The following ZFPM2 variants were observed in gnomAD, a reference collection of about 807,000 sequenced individuals.
ZFPM2 encodes the protein zinc finger protein ZFPM2.
Under a neutral mutation model 98.6 loss-of-function variants are expected in ZFPM2, and 20 were observed. That is an observed-to-expected ratio of 0.20 (90% CI 0.14 to 0.29). ZFPM2 has a LOEUF of 0.29. Ranked by LOEUF, ZFPM2 falls within the 10% of genes least tolerant of loss-of-function variation. The probability of loss-of-function intolerance (pLI) is 1.00; values close to 1 mark genes in which losing one functional copy is unlikely to be tolerated. For synonymous variants in ZFPM2, 518 were observed against 502.7 expected, an observed-to-expected ratio of 1.03 and a Z score of -0.41; for missense variants, 1,310 against 1,388.6, an observed-to-expected ratio of 0.94 and a Z score of 0.90.
intron 5 of ZFPM2, among the ~76,000 whole-genome samples, chr8:105,659,865 C>T (rs565221781): frequency 5.3e-5 from 8 of 152,166 alleles, no homozygotes; most frequent in African/African-American, 1.4e-4. Flanking sequence ...AAAGAGATTA[C>T]GGATAAATAA....
chr8:105,612,369 G>A (rs1024369730), intron 4 of ZFPM2, among the ~76,000 whole-genome samples: 9 of 149,914 alleles, frequency 6.0e-5, no homozygotes, highest in African/African-American at 1.9e-4. Flanking sequence ...AAATGAAAAC[G>A]TCCAATTGAA....
At chr8:105,381,897 G>C (rs13282243) in intron 1 of ZFPM2, among the ~76,000 whole-genome samples, 84,420 of 151,784 alleles carry the variant, frequency 0.56, 23,714 homozygotes, top group Middle Eastern at 0.6. Context: ...CATGATATAG[G>C]CTATAAGTTG....
chr8:105,572,050 T>G (rs1393887115), intron 4 of ZFPM2, among the ~76,000 whole-genome samples: 3 of 142,876 alleles, frequency 2.1e-5, no homozygotes, highest in African/African-American at 7.9e-5. Flanking sequence ...TTTTTTTTTT[T>G]TTTTTGAGAC....
chr8:105,590,471 A>G (rs1815817472), intron 4 of ZFPM2, among the ~76,000 whole-genome samples: 1 of 152,194 alleles, frequency 6.6e-6, no homozygotes, highest in African/African-American at 2.4e-5. Context: ...ACACATATTA[A>G]AAATGCTGTG....
intron 5 of ZFPM2, among the ~76,000 whole-genome samples, chr8:105,686,790 C>CT (rs1810747316): frequency 6.6e-6 from 1 of 152,136 alleles, no homozygotes; most frequent in South Asian, 2.1e-4. Flanking sequence ...CAAGGCTTAG[C>CT]TTTAAAGTGT....
rs1202095287 is a variant in ZFPM2, at chr8:105,377,610, A to C, written c.41-41534A>C. 1.3e-4 allele frequency among the ~76,000 whole-genome samples: 18 copies of C among 142,358 alleles called. 2 individuals carry two copies. Among genetic ancestry groups the C allele is most frequent in the South Asian group, 4.5e-4 (2 of 4,456 alleles). The allele number at this position is 142,358 out of a possible 152,430, so 93.4% of individuals were successfully genotyped here. On this transcript the variant is annotated intron_variant, in intron 1 of 7. Coordinates refer to ENST00000407775, the MANE Select transcript of ZFPM2 (RefSeq NM_012082.4). ...AACCCCGTTTTTCTTAAAAATCCAA[A>C]AAAAAAAAAAAAAAAAAAAAAAAGC...
intron 5 of ZFPM2, among the ~76,000 whole-genome samples, chr8:105,644,019 C>G (rs142471157): frequency 1.3e-5 from 2 of 152,174 alleles, no homozygotes; most frequent in Non-Finnish European, 2.9e-5. Context: ...GGAACAGAGA[C>G]AATCTAGTTT....
At chr8:105,536,851 G>A (rs115717951) in intron 3 of ZFPM2, among the ~76,000 whole-genome samples, 169 of 152,262 alleles carry the variant, frequency 1.1e-3, no homozygotes, top group African/African-American at 3.9e-3. Flanking sequence ...TTTCACAGTG[G>A]TCAAATCAAA....
intron 1 of ZFPM2, among the ~76,000 whole-genome samples, chr8:105,359,351 C>A (rs549098872): frequency 6.9e-6 from 1 of 145,348 alleles, no homozygotes; most frequent in African/African-American, 2.5e-5. Flanking sequence ...TCTTTCTTTT[C>A]TTTTTCTTTT....
intron 5 of ZFPM2, among the ~76,000 whole-genome samples, chr8:105,704,883 A>G (rs1374149911): frequency 1.3e-5 from 2 of 152,158 alleles, no homozygotes; most frequent in Non-Finnish European, 2.9e-5. Context: ...AATACCAGAG[A>G]GGCTCAAGTT....
At chr8:105,376,133 A>C (rs1234087404) in intron 1 of ZFPM2, among the ~76,000 whole-genome samples, 1 of 152,122 alleles carries the variant, frequency 6.6e-6, no homozygotes, top group Non-Finnish European at 1.5e-5. Context: ...AGTGGCCTCC[A>C]TTTAGACAAA....
At chr8:105,346,890 G>T (rs976143926) in intron 1 of ZFPM2, among the ~76,000 whole-genome samples, 1 of 152,096 alleles carries the variant, frequency 6.6e-6, no homozygotes, top group African/African-American at 2.4e-5. Context: ...AATAGCTCTG[G>T]CACATTAGCA....
chr8:105,673,187 CTTT>C (rs5893754), intron 5 of ZFPM2, among the ~76,000 whole-genome samples: 3 of 87,526 alleles, frequency 3.4e-5, no homozygotes, highest in Non-Finnish European at 6.1e-5. Context: ...AAATAGCATG[CTTT>C]TTTTTTTTTT....
chr8:105,637,764 G>A (rs1443359960), intron 5 of ZFPM2, among the ~76,000 whole-genome samples: 6 of 152,110 alleles, frequency 3.9e-5, no homozygotes, highest in Admixed American at 2.6e-4. Flanking sequence ...GGAGTCGTCT[G>A]TCTCCACAAT....
At chr8:105,648,182 A>G (rs554039365) in intron 5 of ZFPM2, among the ~76,000 whole-genome samples, 5 of 152,142 alleles carry the variant, frequency 3.3e-5, no homozygotes, top group Admixed American at 6.6e-5. Context: ...TCTTCTTTTG[A>G]GAAGTGTCTG....
intron 3 of ZFPM2, among the ~76,000 whole-genome samples, chr8:105,552,621 T>A (rs1402708732): frequency 6.6e-6 from 1 of 151,538 alleles, no homozygotes; most frequent in Non-Finnish European, 1.5e-5. Context: ...AGGTGAATAT[T>A]TTCAGACACC....
At chr8:105,621,254 G>T (rs1419490472) in intron 4 of ZFPM2, among the ~76,000 whole-genome samples, 1 of 152,108 alleles carries the variant, frequency 6.6e-6, no homozygotes, top group Non-Finnish European at 1.5e-5. Flanking sequence ...TCCCTTGTAA[G>T]TTGGATTCCT....
chr8:105,571,239 T>A (rs1297326735), intron 4 of ZFPM2, among the ~76,000 whole-genome samples: 1 of 152,200 alleles, frequency 6.6e-6, no homozygotes, highest in Non-Finnish European at 1.5e-5. Flanking sequence ...CAGATTTCAT[T>A]GCTACTGTCA....
At chr8:105,556,758 T>C (rs1385898739) in intron 3 of ZFPM2, among the ~76,000 whole-genome samples, 2 of 139,206 alleles carry the variant, frequency 1.4e-5, no homozygotes, top group African/African-American at 5.2e-5. Context: ...AGTCTTGCTC[T>C]GTCACCCAGG....
Sources: gnomAD v4.1 joint callset for allele counts (sites outside exome capture counted in the v4.1 genomes callset) on GRCh38, gnomAD v4.1.1 for gene constraint, MANE v1.5 for transcripts, NCBI Gene and HGNC (gene_info 2026-07-23, HGNC 2026-07-21) for gene names.